Variants in NRXN1 observed in about 807,000 individuals in gnomAD.
NRXN1 encodes neurexin 1.
A neutral mutation model predicts 150.9 loss-of-function variants in NRXN1; 39 were observed. The ratio of observed to expected loss-of-function variants is 0.26; its 90% confidence interval spans 0.20 to 0.34. The LOEUF (loss-of-function observed/expected upper bound fraction) is 0.34. Ranked by LOEUF, NRXN1 falls within the 10% of genes least tolerant of loss-of-function variation. The pLI is 1.00. For synonymous variants in NRXN1, 924 were observed against 757.0 expected (o/e 1.22, Z -3.62); for missense variants, 1,815 against 1,949.9 (o/e 0.93, Z 1.30).
At chr2:50,699,372 A>G (rs1314105248) in intron 5 of NRXN1, among the ~76,000 whole-genome samples, 2 of 152,166 alleles carry the variant, frequency 1.3e-5, no homozygotes, top group African/African-American at 2.4e-5. Context: ...AATGTTATAG[A>G]TCTAGAAACA....
intron 17 of NRXN1, among the ~76,000 whole-genome samples, chr2:50,316,883 A>C (rs2075652067): frequency 6.6e-6 from 1 of 152,040 alleles, no homozygotes; most frequent in African/African-American, 2.4e-5. Flanking sequence ...TGTGGAGTAC[A>C]GTATCTACTA....
At chr2:50,679,007 C>G (rs1574071657) in intron 5 of NRXN1, among the ~76,000 whole-genome samples, 1 of 152,012 alleles carries the variant, frequency 6.6e-6, no homozygotes, top group East Asian at 1.9e-4. Context: ...GAATTGTCTA[C>G]TTGTTACAAG....
At chr2:50,797,460 T>C (rs1247176028) in intron 5 of NRXN1, among the ~76,000 whole-genome samples, 1 of 151,924 alleles carries the variant, frequency 6.6e-6, no homozygotes, top group Admixed American at 6.6e-5. Flanking sequence ...TCTCAAACAT[T>C]TTAAAAACAC....
intron 5 of NRXN1, among the ~76,000 whole-genome samples, chr2:50,807,822 G>A (rs1331169633): frequency 6.6e-6 from 1 of 152,084 alleles, no homozygotes; most frequent in Non-Finnish European, 1.5e-5. Context: ...TTCAGTTTGA[G>A]GCAGTAGGTT....
chr2:49,948,943 T>C (rs1673442033), intron 21 of NRXN1, among the ~76,000 whole-genome samples: 1 of 152,024 alleles, frequency 6.6e-6, no homozygotes, highest in Non-Finnish European at 1.5e-5. Context: ...GCTATGCTGA[T>C]CTTCCTTAAT....
intron 15 of NRXN1, among the ~76,000 whole-genome samples, chr2:50,477,476 A>G (rs2090083547): frequency 6.6e-6 from 1 of 152,292 alleles, no homozygotes; most frequent in Admixed American, 6.5e-5. Flanking sequence ...GGAGCCACCA[A>G]CCAAAAGCAG....
intron 21 of NRXN1, among the ~76,000 whole-genome samples, chr2:49,996,720 G>A (rs918229902): frequency 6.6e-6 from 1 of 152,150 alleles, no homozygotes; most frequent in African/African-American, 2.4e-5. Flanking sequence ...AAAAAGACAA[G>A]GTAACATATT....
intron 17 of NRXN1, among the ~76,000 whole-genome samples, chr2:50,441,738 A>C (rs2085970645): frequency 6.7e-6 from 1 of 149,892 alleles, no homozygotes; most frequent in African/African-American, 2.5e-5. Context: ...TAGACATAAA[A>C]CAGCTTGATA....
chr2:50,308,316 T>C (rs542283397), intron 17 of NRXN1, among the ~76,000 whole-genome samples: 2 of 152,080 alleles, frequency 1.3e-5, no homozygotes, highest in South Asian at 4.1e-4. Context: ...ATATTCAATT[T>C]TTTAAATTAT....
intron 18 of NRXN1, among the ~76,000 whole-genome samples, chr2:50,230,796 T>C (rs1322062695): frequency 1.3e-5 from 2 of 152,046 alleles, no homozygotes; most frequent in Admixed American, 6.6e-5. Context: ...AGGATGAAGG[T>C]AGGAATCTGT....
At chr2:50,313,243 C>T (rs531397943) in intron 17 of NRXN1, among the ~76,000 whole-genome samples, 3 of 152,072 alleles carry the variant, frequency 2.0e-5, no homozygotes, top group African/African-American at 7.2e-5. Flanking sequence ...TTCTTTTTGC[C>T]TTATATTCTG....
chr2:49,959,327 G>T (rs546456034), intron 21 of NRXN1, among the ~76,000 whole-genome samples: 1 of 152,248 alleles, frequency 6.6e-6, no homozygotes, highest in African/African-American at 2.4e-5. Flanking sequence ...TGAAAAACTC[G>T]AAGGTACACT....
chr2:49,928,603 A>G (rs1669545913), intron 22 of NRXN1, among the ~76,000 whole-genome samples: 1 of 152,072 alleles, frequency 6.6e-6, no homozygotes, highest in African/African-American at 2.4e-5. Context: ...TGAGATTAGC[A>G]CACTTTTTTC....
chr2:50,588,022 G>C (rs1355202291), intron 8 of NRXN1, among the ~76,000 whole-genome samples: 1 of 152,046 alleles, frequency 6.6e-6, no homozygotes, highest in Non-Finnish European at 1.5e-5. Flanking sequence ...AATAAGACTA[G>C]GCATTTTATC....
Position 50,964,060 on chromosome 2 carries a change from G to A in NRXN1, c.773-38105C>T, listed in dbSNP as rs752691983. The A allele has an allele frequency of 3.3e-4, 128 of 383,918 alleles. 4 individuals are homozygous for A. Among genetic ancestry groups the A allele is most frequent in the South Asian group, 2.5e-3 (125 of 50,432 alleles). 23.8% of individuals were successfully genotyped at this position (383,918 alleles called of 1,614,324 possible). On this transcript the variant is annotated intron_variant, in intron 2 of 22. Coordinates refer to ENST00000401669, the MANE Select transcript of NRXN1 (RefSeq NM_001330078.2). Reference sequence around the variant, plus strand: ...ACTATGCAGAAGAATATGAAATGAAGGTATTAAGATCCAGTTATGCTATTT... The same window carrying A: ...ACTATGCAGAAGAATATGAAATGAAAGTATTAAGATCCAGTTATGCTATTT...
chr2:50,621,326 T>C (rs1156633502), intron 6 of NRXN1, 77 bp from the exon 7 acceptor site: 7 of 1,093,042 alleles, frequency 6.4e-6, no homozygotes, highest in Non-Finnish European at 8.2e-6. Context: ...AATATGATGG[T>C]CTCTACCATG....
chr2:50,515,107 A>G (rs537402307), intron 12 of NRXN1, among the ~76,000 whole-genome samples: 1 of 152,130 alleles, frequency 6.6e-6, no homozygotes, highest in Admixed American at 6.6e-5. Flanking sequence ...CATTACTCAC[A>G]TCACCATCTG....
At chr2:50,221,240 C>A (rs961169317) in intron 18 of NRXN1, among the ~76,000 whole-genome samples, 2 of 151,938 alleles carry the variant, frequency 1.3e-5, no homozygotes, top group South Asian at 4.1e-4. Flanking sequence ...AATCAAAACA[C>A]ACTGAAATCT....
chr2:50,884,632 A>C (rs2103740032), intron 5 of NRXN1, among the ~76,000 whole-genome samples: 1 of 151,640 alleles, frequency 6.6e-6, no homozygotes, highest in Admixed American at 6.6e-5. Context: ...AGAGCACATT[A>C]TCTTTCCATG....
Sources: gnomAD v4.1 joint callset for allele counts (sites outside exome capture counted in the v4.1 genomes callset) on GRCh38, gnomAD v4.1.1 for gene constraint, MANE v1.5 for transcripts, NCBI Gene and HGNC (gene_info 2026-07-23, HGNC 2026-07-21) for gene names.